CYRIA: variants seen among roughly 807,000 people sequenced by gnomAD.
CYRIA encodes the protein CYFIP-related Rac1 interactor A.
Under a neutral mutation model 43.9 loss-of-function variants are expected in CYRIA, and 15 were observed. The ratio of observed to expected loss-of-function variants is 0.34; its 90% CI spans 0.23 to 0.53. CYRIA has a LOEUF of 0.53. CYRIA is among the 20% of genes least tolerant of loss of function. The pLI, the probability that CYRIA is intolerant of heterozygous loss-of-function variation, is 0.94. For missense variants in CYRIA, 236 were observed against 394.2 expected, an observed-to-expected ratio of 0.60 and a Z score of 3.40; for synonymous variants, 117 against 136.0, an observed-to-expected ratio of 0.86 and a Z score of 0.97.
rs1439043016 is a variant in CYRIA at position 16,553,011 on chromosome 2, G to A, written c.909-12C>T. ...GCTTTGTAGTGAACCTGGATGGAGAGAGAATGGTAGAGGTTAGCGGCAAAC... is the reference window on the plus strand; with the variant it reads ...GCTTTGTAGTGAACCTGGATGGAGAAAGAATGGTAGAGGTTAGCGGCAAAC... On this transcript the variant is annotated splice_polypyrimidine_tract_variant and intron_variant, in intron 11 of 11. Coordinates refer to ENST00000381323, the MANE Select transcript of CYRIA (RefSeq NM_030797.4). 2 of 1,570,504 alleles carry A rather than the reference G, an allele frequency of 1.3e-6. No individual in the cohort carries two copies. The highest frequency in any genetic ancestry group is 1.8e-6 in the Non-Finnish European group (2 of 1,140,080).
intron 1 of CYRIA, among the ~76,000 whole-genome samples, chr2:16,633,206 C>T (rs1572191689): frequency 6.6e-6 from 1 of 152,174 alleles, no homozygotes; most frequent in African/African-American, 2.4e-5. Context: ...CCCTCTTGCC[C>T]TGCCTTGCAG....
Position 16,565,721 on chromosome 2 carries a change from G to A in CYRIA, c.117C>T (p.Ser39=), listed in dbSNP as rs1276801325. Residue 39 remains serine (S), a synonymous_variant, in exon 4 of 12, where the codon AGC becomes AGT. Coordinates refer to ENST00000381323, the MANE Select transcript of CYRIA (RefSeq NM_030797.4). ...TGCTCTCAGAATCCTGAAGGACGGCGCTGATCTGGTTCCAGATTTCTCTCT... is the reference window on the plus strand; with the variant it reads ...TGCTCTCAGAATCCTGAAGGACGGCACTGATCTGGTTCCAGATTTCTCTCT... ...EGEREIWNQI[S]AVLQDSESIL... The A allele has an allele frequency of 8.8e-6, 14 of 1,589,360 alleles. No individual in the cohort carries two copies. The South Asian group carries it at 1.2e-4, about 14-fold the overall frequency.
intron 2 of CYRIA, among the ~76,000 whole-genome samples, chr2:16,609,381 C>A (rs888310256): frequency 3.3e-5 from 5 of 152,206 alleles, no homozygotes; most frequent in African/African-American, 1.2e-4. Context: ...TAAATATCAA[C>A]ATCTCAATTG....
At chr2:16,558,847 C>A (rs116215551) in intron 10 of CYRIA, among the ~76,000 whole-genome samples, 1 of 152,012 alleles carries the variant, frequency 6.6e-6, no homozygotes, top group African/African-American at 2.4e-5. Flanking sequence ...AGTGCTCTGG[C>A]GACCAGAGAA....
In CYRIA at chr2:16,626,569, A is replaced by G. The variant is rs1262773872; in HGVS notation, c.-166-2550T>C. ...TCTGCCCCACTACTCCAAACCAAACATAGAACAACAAAAAGTCAGCATATG... is the reference window on the plus strand; with the variant it reads ...TCTGCCCCACTACTCCAAACCAAACGTAGAACAACAAAAAGTCAGCATATG... On this transcript the variant is annotated intron_variant, in intron 1 of 11. Coordinates refer to ENST00000381323, the MANE Select transcript of CYRIA (RefSeq NM_030797.4). Among the ~76,000 whole-genome samples, 2 of 152,146 alleles carry G rather than the reference A, an allele frequency of 1.3e-5. 1 individual carries two copies. The highest frequency in any genetic ancestry group is 4.8e-5 in the African/African-American group (2 of 41,428).
chr2:16,627,226 C>T (rs768566842), intron 1 of CYRIA, among the ~76,000 whole-genome samples: 1 of 152,050 alleles, frequency 6.6e-6, no homozygotes, highest in Non-Finnish European at 1.5e-5. Flanking sequence ...ATATCCACTA[C>T]GGGAGGCCGA....
intron 2 of CYRIA, among the ~76,000 whole-genome samples, chr2:16,602,421 A>C (rs1241430831): frequency 6.6e-6 from 1 of 152,116 alleles, no homozygotes; most frequent in Non-Finnish European, 1.5e-5. Context: ...TACACCAATA[A>C]CATATATTTA....
chr2:16,611,113 A>T (rs1403592755), intron 2 of CYRIA, among the ~76,000 whole-genome samples: 1 of 151,652 alleles, frequency 6.6e-6, no homozygotes. Flanking sequence ...TAATCCCAGC[A>T]CTTTGGGAGG....
intron 1 of CYRIA, among the ~76,000 whole-genome samples, chr2:16,643,068 A>G (rs1669723080): frequency 6.6e-6 from 1 of 150,450 alleles, no homozygotes; most frequent in Admixed American, 6.6e-5. Context: ...ACATTACTTT[A>G]GTACTTTTTT....
rs73918619 is a variant in CYRIA, at chr2:16,619,460, G to A, written c.-11+4404C>T. 5.4e-3 allele frequency among the ~76,000 whole-genome samples: 821 copies of A among 152,268 alleles called. 8 individuals are homozygous for A. The highest frequency in any genetic ancestry group is 0.019 in the African/African-American group (771 of 41,542). ...CCCCAAGAGTTCCAAAGGGAAGGTA[G>A]CAGGGGAAATACAGTTTTCACTTAG... On this transcript the variant is annotated intron_variant, in intron 2 of 11. Transcript: ENST00000381323.
chr2:16,562,005 C>T lies in CYRIA; in HGVS notation c.435G>A (p.Lys145=). Residue 145 remains lysine, a splice_region_variant and synonymous_variant, in exon 6 of 12, where the codon AAG becomes AAA. Transcript: ENST00000381323. ...ATTTTCACAGCACATTTGGCCTAAC[C>T]TTCAGCTCATCGAATCGAAGGGTAA... ...LHFTLRFDEL[K]MRNPAIQNDF... is the part of the protein sequence containing the mutation. The T allele has an allele frequency of 6.2e-7, 1 of 1,612,076 alleles. No homozygotes were observed. Among genetic ancestry groups the T allele is most frequent in the Non-Finnish European group, 8.5e-7 (1 of 1,178,868 alleles).
At chr2:16,643,915 G>A (rs1371680229) in intron 1 of CYRIA, among the ~76,000 whole-genome samples, 1 of 152,210 alleles carries the variant, frequency 6.6e-6, no homozygotes, top group African/African-American at 2.4e-5. Flanking sequence ...ATTAGCCCCA[G>A]TGCCAAGCAC....
chr2:16,665,417 G>A (rs1572213836), intron 1 of CYRIA, among the ~76,000 whole-genome samples: 1 of 151,970 alleles, frequency 6.6e-6, no homozygotes, highest in Admixed American at 6.6e-5. Context: ...GTGGTGGGAA[G>A]GGGAGTGTTA....
intron 1 of CYRIA, among the ~76,000 whole-genome samples, chr2:16,630,631 C>T (rs917531344): frequency 8.5e-5 from 13 of 152,128 alleles, no homozygotes; most frequent in African/African-American, 2.2e-4. Context: ...TGAACACAAC[C>T]GCTGGGGTGG....
chr2:16,640,310 C>T (rs1669635723), intron 1 of CYRIA, among the ~76,000 whole-genome samples: 1 of 152,230 alleles, frequency 6.6e-6, no homozygotes, highest in Non-Finnish European at 1.5e-5. Flanking sequence ...AATTGGGATG[C>T]TGGGACTGGC....
chr2:16,585,954 CA>C (rs1244388944), intron 3 of CYRIA, among the ~76,000 whole-genome samples: 1 of 152,092 alleles, frequency 6.6e-6, no homozygotes, highest in Non-Finnish European at 1.5e-5. Context: ...TAAATCCCTG[CA>C]AATTCTACTT....
intron 3 of CYRIA, among the ~76,000 whole-genome samples, chr2:16,568,924 A>AT (rs201406851): frequency 2.6e-4 from 40 of 152,206 alleles, no homozygotes; most frequent in South Asian, 8.3e-4. Flanking sequence ...AGAGCTGGAA[A>AT]TTTTTTTTAA....
At chr2:16,626,690 G>A (rs1295179782) in intron 1 of CYRIA, among the ~76,000 whole-genome samples, 1 of 152,194 alleles carries the variant, frequency 6.6e-6, no homozygotes, top group African/African-American at 2.4e-5. Flanking sequence ...CAGAGAGCAA[G>A]GGGGGAAAGA....
At chr2:16,612,108 C>T (rs1449636113) in intron 2 of CYRIA, among the ~76,000 whole-genome samples, 1 of 152,060 alleles carries the variant, frequency 6.6e-6, no homozygotes, top group Non-Finnish European at 1.5e-5. Context: ...GGTGAAGACC[C>T]CCTGGATGGG....
Sources: gnomAD v4.1 joint callset for allele counts (sites outside exome capture counted in the v4.1 genomes callset) on GRCh38, gnomAD v4.1.1 for gene constraint, MANE v1.5 for transcripts, NCBI Gene and HGNC (gene_info 2026-07-23, HGNC 2026-07-21) for gene names.